Variants in BANK1 observed in about 807,000 individuals in gnomAD.
The protein encoded by BANK1 is B-cell scaffold protein with ankyrin repeats.
BANK1 carries 95 observed loss-of-function variants against 94.5 expected under a neutral mutation model. The ratio of observed to expected loss-of-function variants is 1.00; its 90% CI spans 0.85 to 1.19. The LOEUF is 1.19. Ranked by LOEUF, BANK1 falls within the 50% of genes most tolerant of loss-of-function variation. The probability of loss-of-function intolerance (pLI) is 0.00; values close to 1 mark genes in which losing one functional copy is unlikely to be tolerated. For synonymous variants in BANK1, 334 were observed against 308.4 expected, an observed-to-expected ratio of 1.08 and a Z score of -0.87; for missense variants, 987 against 932.2, an observed-to-expected ratio of 1.06 and a Z score of -0.77.
intron 1 of BANK1, among the ~76,000 whole-genome samples, chr4:101,811,501 C>G (rs1225521171): frequency 6.6e-6 from 1 of 151,902 alleles, no homozygotes; most frequent in Non-Finnish European, 1.5e-5. Context: ...TATACTGCAG[C>G]CCTCCACTCA....
chr4:101,986,865 A>ATATATATGTATATATATATG (rs1408766213), intron 7 of BANK1, among the ~76,000 whole-genome samples: 27 of 10,978 alleles, frequency 2.5e-3, no homozygotes, highest in African/African-American at 6.0e-3. Flanking sequence ...GTATATATAT[A>ATATATATGTATATATATATG]TGTGTGTATG....
chr4:101,793,599 ATGGTCTTT>A (rs1055681911), intron 1 of BANK1, among the ~76,000 whole-genome samples: 1 of 152,162 alleles, frequency 6.6e-6, no homozygotes, highest in Non-Finnish European at 1.5e-5. Context: ...CCTACTTATG[ATGGTCTTT>A]TGACTCATAC....
chr4:101,977,308 T>C (rs1233065129), intron 7 of BANK1, among the ~76,000 whole-genome samples: 2 of 152,152 alleles, frequency 1.3e-5, no homozygotes, highest in African/African-American at 4.8e-5. Flanking sequence ...TAAAGCTTCC[T>C]GACAAAGCCA....
rs577641353 is a variant in BANK1 at position 101,951,088 on chromosome 4, A to G, written c.1206+32899A>G. Among the ~76,000 whole-genome samples the G allele has an allele frequency of 3.3e-5, 5 of 152,286 alleles. No individual in the cohort carries two copies. In the East Asian group the frequency reaches 9.6e-4, roughly 29 times the overall value. On this transcript the variant is annotated intron_variant, in intron 7 of 16. Coordinates refer to ENST00000322953, the MANE Select transcript of BANK1 (RefSeq NM_017935.5). ...ATTAGGTAAAAACTAAGGAAATCTG[A>G]GTAAAATATGGATGTTAGTTAACAG...
At chr4:101,934,810 G>A (rs1012255266) in intron 7 of BANK1, among the ~76,000 whole-genome samples, 5 of 151,414 alleles carry the variant, frequency 3.3e-5, no homozygotes, top group Non-Finnish European at 7.4e-5. Context: ...TTACTAGGAG[G>A]AATTCTTTTG....
chr4:102,062,777 C>T, intron 12 of BANK1: 1 of 282,236 alleles, frequency 3.5e-6, no homozygotes, highest in Non-Finnish European at 6.8e-6. Context: ...GAATTGCACT[C>T]TAGGATCCAA....
intron 1 of BANK1, among the ~76,000 whole-genome samples, chr4:101,808,141 G>A (rs187837166): frequency 1.5e-3 from 235 of 151,840 alleles, no homozygotes; most frequent in African/African-American, 5.4e-3. Flanking sequence ...AAGACAGCCT[G>A]ACTTGAAAGC....
intron 1 of BANK1, among the ~76,000 whole-genome samples, chr4:101,798,065 T>C (rs1725219589): frequency 6.6e-6 from 1 of 152,230 alleles, no homozygotes; most frequent in Non-Finnish European, 1.5e-5. Flanking sequence ...TTCAGGAAGG[T>C]AAGAATGGTG....
chr4:102,026,547 G>A (rs1293227513), intron 9 of BANK1, among the ~76,000 whole-genome samples: 1 of 151,952 alleles, frequency 6.6e-6, no homozygotes, highest in Non-Finnish European at 1.5e-5. Flanking sequence ...TTAGTATTTG[G>A]GCTGGGCACA....
chr4:102,036,087 T>C lies in BANK1; in HGVS notation c.1900+5822T>C, dbSNP rs1205959551. ...ATTTTCTATTTTCCTCACACACAAT[T>C]AATAGAACAAAGATCTTTCTTCAGA... On this transcript the variant is annotated intron_variant, in intron 10 of 16. Coordinates refer to ENST00000322953, the MANE Select transcript of BANK1 (RefSeq NM_017935.5). 4.6e-5 allele frequency among the ~76,000 whole-genome samples: 7 copies of C among 152,222 alleles called. 1 individual carries two copies. Among genetic ancestry groups the C allele is most frequent in the Admixed American group, 4.6e-4 (7 of 15,292 alleles).
chr4:102,066,197 A>G (rs1728585294), intron 13 of BANK1, among the ~76,000 whole-genome samples: 1 of 150,174 alleles, frequency 6.7e-6, no homozygotes, highest in Admixed American at 6.9e-5. Flanking sequence ...CATATAAAGG[A>G]AAAAAAAATT....
At chr4:101,943,973 T>C (rs957637569) in intron 7 of BANK1, among the ~76,000 whole-genome samples, 1 of 151,598 alleles carries the variant, frequency 6.6e-6, no homozygotes, top group Non-Finnish European at 1.5e-5. Context: ...GCAGTTTGCT[T>C]TAAATAGTGC....
At chr4:102,007,081 A>ATATATTTATATATAT (rs1726295811) in intron 7 of BANK1, among the ~76,000 whole-genome samples, 1 of 64,908 alleles carries the variant, frequency 1.5e-5, no homozygotes, top group Non-Finnish European at 4.0e-5. Context: ...TATATATATA[A>ATATATTTATATATAT]ATATATATAT....
chr4:102,031,473 T>C (rs187723313), intron 10 of BANK1, among the ~76,000 whole-genome samples: 78 of 152,330 alleles, frequency 5.1e-4, no homozygotes, highest in Non-Finnish European at 8.7e-4. Flanking sequence ...TTGTCTTTTG[T>C]TGTCATTGCT....
intron 7 of BANK1, among the ~76,000 whole-genome samples, chr4:102,015,296 C>T (rs1726657053): frequency 6.6e-6 from 1 of 151,734 alleles, no homozygotes; most frequent in South Asian, 2.1e-4. Flanking sequence ...TTAATTTTGA[C>T]TTTGTACTTT....
At chr4:101,949,765 G>A (rs957605220) in intron 7 of BANK1, among the ~76,000 whole-genome samples, 10 of 152,164 alleles carry the variant, frequency 6.6e-5, no homozygotes, top group Admixed American at 1.3e-4. Flanking sequence ...TAGGATAAAC[G>A]TACAGGAAAA....
intron 12 of BANK1, 23 bp from the exon 13 acceptor site, chr4:102,063,052 G>T: frequency 6.2e-7 from 1 of 1,603,382 alleles, no homozygotes; most frequent in Non-Finnish European, 8.5e-7. Flanking sequence ...TCATAACTAT[G>T]TCCTGGTTGT....
rs1727059320 is a variant in BANK1 at position 102,025,500 on chromosome 4, A to T, written c.1585A>T (p.Thr529Ser). ...CTTCCAACTGGAAAGACCTCACTTC[A>T]CCTTACCAGGTAAGTTTAAGGTTAG... ...NAFQLERPHF[T>S]LPGTMVEGQM... Residue 529 changes from threonine (T) to serine (S), a missense_variant, in exon 9 of 17, where the codon ACC (threonine) becomes TCC (serine). Coordinates refer to ENST00000322953, the MANE Select transcript of BANK1 (RefSeq NM_017935.5). The T allele has an allele frequency of 6.2e-7, 1 of 1,611,052 alleles. No homozygotes were observed. Among genetic ancestry groups the T allele is most frequent in the Non-Finnish European group, 8.5e-7 (1 of 1,179,828 alleles).
At chr4:101,955,646 T>G (rs773078292) in intron 7 of BANK1, among the ~76,000 whole-genome samples, 2 of 152,330 alleles carry the variant, frequency 1.3e-5, no homozygotes, top group South Asian at 4.1e-4. Context: ...GAAAATTGTC[T>G]CTTTAATGAT....
Sources: allele counts gnomAD v4.1 joint callset (sites outside exome capture counted in the v4.1 genomes callset), GRCh38; gene constraint gnomAD v4.1.1; transcripts MANE v1.5; gene names NCBI Gene and HGNC (gene_info 2026-07-23, HGNC 2026-07-21).